Variants in COL24A1 observed in about 807,000 individuals in gnomAD.
COL24A1 encodes the protein collagen type XXIV alpha 1 chain, also known as collagen alpha-1(XXIV) chain.
A neutral mutation model predicts 253.9 loss-of-function variants in COL24A1; 224 were observed. The ratio of observed to expected loss-of-function variants is 0.88; its 90% CI spans 0.79 to 0.99. COL24A1 has a LOEUF of 0.99. Ranked by LOEUF, COL24A1 falls within the 50% of genes least tolerant of loss-of-function variation. The probability of loss-of-function intolerance (pLI) is 0.00; values close to 1 mark genes in which losing one functional copy is unlikely to be tolerated. For missense variants in COL24A1, 2,131 were observed against 2,068.5 expected, an observed-to-expected ratio of 1.03 and a Z score of -0.59; for synonymous variants, 685 against 673.7, an observed-to-expected ratio of 1.02 and a Z score of -0.26.
intron 14 of COL24A1, chr1:86,030,023 C>G (rs760349339): frequency 6.6e-6 from 1 of 152,004 alleles, no homozygotes; most frequent in African/African-American, 2.4e-5. Flanking sequence ...GCACATTATA[C>G]CTTTAGCCAT....
chr1:85,961,390 C>T, intron 23 of COL24A1, 97 bp from the exon 24 acceptor site: 3 of 960,376 alleles, frequency 3.1e-6, no homozygotes, highest in Non-Finnish European at 4.8e-6. Context: ...ATTATCTAGT[C>T]ATAACCTAGA....
At chr1:85,770,782 A>G (rs1334812915) in intron 53 of COL24A1, among the ~76,000 whole-genome samples, 1 of 152,226 alleles carries the variant, frequency 6.6e-6, no homozygotes, top group Non-Finnish European at 1.5e-5. Context: ...TAGGGCCAGT[A>G]TAAGCTACTT....
intron 53 of COL24A1, among the ~76,000 whole-genome samples, chr1:85,764,164 TG>T (rs1195008296): frequency 6.6e-6 from 1 of 152,054 alleles, no homozygotes; most frequent in Non-Finnish European, 1.5e-5. Context: ...GAGCTTCCAT[TG>T]TAGGATGTTT....
intron 39 of COL24A1, among the ~76,000 whole-genome samples, chr1:85,843,960 A>G (rs1676898626): frequency 6.6e-6 from 1 of 152,146 alleles, no homozygotes; most frequent in Non-Finnish European, 1.5e-5. Context: ...TGGGGAGAAA[A>G]TGTGATGAAC....
chr1:85,998,322 G>A (rs190105881), intron 19 of COL24A1, among the ~76,000 whole-genome samples: 2 of 152,192 alleles, frequency 1.3e-5, no homozygotes, highest in Non-Finnish European at 2.9e-5. Context: ...CTTGCACCAC[G>A]TAACTTGTTA....
intron 7 of COL24A1, among the ~76,000 whole-genome samples, chr1:86,069,503 C>G (rs1325728778): frequency 6.6e-6 from 1 of 152,082 alleles, no homozygotes; most frequent in Non-Finnish European, 1.5e-5. Context: ...ACACAGCATC[C>G]TTGGACACAC....
intron 24 of COL24A1, among the ~76,000 whole-genome samples, chr1:85,940,872 C>G (rs1014973291): frequency 6.6e-5 from 10 of 152,264 alleles, no homozygotes; most frequent in African/African-American, 2.4e-4. Context: ...ATGGTAAACT[C>G]AAGAATAGAA....
intron 47 of COL24A1, among the ~76,000 whole-genome samples, chr1:85,791,777 A>G (rs1354290925): frequency 6.6e-6 from 1 of 152,212 alleles, no homozygotes; most frequent in Non-Finnish European, 1.5e-5. Flanking sequence ...AAGTCTCATT[A>G]CAGGCCAATA....
intron 37 of COL24A1, among the ~76,000 whole-genome samples, chr1:85,858,054 A>AT (rs1210363778): frequency 2.0e-5 from 3 of 152,214 alleles, no homozygotes; most frequent in African/African-American, 7.2e-5. Context: ...CTATGCCTCT[A>AT]AAATATGTCT....
chr1:86,097,364 T>C (rs1017617240), intron 5 of COL24A1, among the ~76,000 whole-genome samples: 3 of 123,556 alleles, frequency 2.4e-5, no homozygotes, highest in Non-Finnish European at 5.8e-5. Context: ...GTTGTTGTTC[T>C]TCTTCTCCTT....
In COL24A1 at chr1:86,154,460, A is replaced by G. The variant is rs547000658; in HGVS notation, c.56+1881T>C. The G allele has an allele frequency of 2.0e-5, 3 of 152,726 alleles. No individual in the cohort carries two copies. The South Asian group carries it at 6.2e-4, about 32-fold the overall frequency. The allele number at this position is 152,726 out of a possible 1,614,324, so 9.5% of individuals were successfully genotyped here. On this transcript the variant is annotated intron_variant, in intron 1 of 59. Coordinates refer to ENST00000370571, the MANE Select transcript of COL24A1 (RefSeq NM_152890.7). ...CACCTTCATCCAGAACCTGCTACTT[A>G]TCCCCATGTCTCTGCACAAGGGTTC...
intron 2 of COL24A1, among the ~76,000 whole-genome samples, chr1:86,134,178 G>T (rs1290964225): frequency 6.6e-6 from 1 of 150,428 alleles, no homozygotes; most frequent in African/African-American, 2.4e-5. Context: ...TTATATTTCT[G>T]TGGGATCGGT....
intron 14 of COL24A1, among the ~76,000 whole-genome samples, chr1:86,028,587 T>C (rs773175838): frequency 1.3e-5 from 2 of 152,236 alleles, no homozygotes; most frequent in Non-Finnish European, 2.9e-5. Flanking sequence ...TGTGGAACTG[T>C]GAGTCAATTA....
At chr1:85,970,533 T>C (rs942493746) in intron 21 of COL24A1, among the ~76,000 whole-genome samples, 2 of 152,118 alleles carry the variant, frequency 1.3e-5, no homozygotes, top group Non-Finnish European at 2.9e-5. Flanking sequence ...AATTAAAAGC[T>C]TTTATTCATA....
intron 47 of COL24A1, among the ~76,000 whole-genome samples, chr1:85,806,651 C>A (rs1672000739): frequency 6.8e-6 from 1 of 148,000 alleles, no homozygotes; most frequent in Admixed American, 6.8e-5. Context: ...GCTCATGGGC[C>A]ATACAAAAAC....
chr1:85,742,905 G>C (rs1664810160), intron 57 of COL24A1, among the ~76,000 whole-genome samples: 1 of 151,970 alleles, frequency 6.6e-6, no homozygotes, highest in African/African-American at 2.4e-5. Flanking sequence ...TCCAATAATG[G>C]AACGCTAAGC....
At chr1:85,934,567 T>C (rs1466250227) in intron 24 of COL24A1, among the ~76,000 whole-genome samples, 1 of 152,188 alleles carries the variant, frequency 6.6e-6, no homozygotes, top group Non-Finnish European at 1.5e-5. Context: ...GGTACTATAG[T>C]AGTCAATTTA....
intron 56 of COL24A1, among the ~76,000 whole-genome samples, chr1:85,745,065 G>A (rs1230201829): frequency 1.3e-5 from 2 of 151,936 alleles, no homozygotes; most frequent in South Asian, 2.1e-4. Flanking sequence ...GAATTGCTAT[G>A]TCTACTGTAT....
rs72950656 is a variant in COL24A1 at position 85,796,742 on chromosome 1, A to G, written c.3952-10281T>C. ...GATACCCAATAAATACATGCAGTGT[A>G]CTATGCATTTTACATACAATATTTC... is the stretch of plus-strand genomic sequence containing the variant. On this transcript the variant is annotated intron_variant, in intron 47 of 59. Transcript: ENST00000370571. Among the ~76,000 whole-genome samples the G allele has an allele frequency of 9.4e-3, 1,438 of 152,338 alleles. 24 individuals carry two copies. The highest frequency in any genetic ancestry group is 0.033 in the African/African-American group (1,365 of 41,564).
Sources: allele counts gnomAD v4.1 joint callset (sites outside exome capture counted in the v4.1 genomes callset), GRCh38; gene constraint gnomAD v4.1.1; transcripts MANE v1.5; gene names NCBI Gene and HGNC (gene_info 2026-07-23, HGNC 2026-07-21).